The following KLF8 variants were observed in gnomAD, a reference collection of about 807,000 sequenced individuals.
KLF8 encodes Krueppel-like factor 8.
Under a neutral mutation model 18.2 loss-of-function variants are expected in KLF8, and 10 were observed. The observed-to-expected ratio is 0.55, with a 90% CI of 0.34 to 0.93. The LOEUF (loss-of-function observed/expected upper bound fraction) is 0.93, where lower values mean the gene tolerates loss of function less well. Ranked by LOEUF, KLF8 falls within the 40% of genes least tolerant of loss-of-function variation. The pLI is 0.02. For missense variants in KLF8, 264 were observed against 277.9 expected (o/e 0.95, Z 0.36); for synonymous variants, 109 against 97.3 (o/e 1.12, Z -0.71).
At chrX:56,060,163 T>C in the KLF8 span, among the ~76,000 whole-genome samples, 1 of 111,729 alleles carries the variant, frequency 9.0e-6, no homozygotes, top group African/African-American at 3.3e-5. Context: ...TTTTCCTATT[T>C]GAATACCTCT....
chrX:56,169,570 G>C, the KLF8 span, among the ~76,000 whole-genome samples: 2 of 111,725 alleles, frequency 1.8e-5, no homozygotes, highest in African/African-American at 6.5e-5. Flanking sequence ...GTGGACCTGT[G>C]ATGGTGGTAG....
intron 1 of KLF8, among the ~76,000 whole-genome samples, chrX:56,236,162 T>G (rs145795889): frequency 3.0e-3 from 338 of 111,973 alleles, no homozygotes; most frequent in African/African-American, 0.01. Context: ...AACCTCACAC[T>G]CACCATTTCT....
At chrX:56,217,032 A>T in the KLF8 span, among the ~76,000 whole-genome samples, 1 of 112,010 alleles carries the variant, frequency 8.9e-6, no homozygotes, top group Non-Finnish European at 1.9e-5. Context: ...AAATAGCTGG[A>T]TTTTAAGAGG....
At chrX:56,240,349 T>C (rs2066528079) in intron 1 of KLF8, among the ~76,000 whole-genome samples, 1 of 112,176 alleles carries the variant, frequency 8.9e-6, no homozygotes, top group Non-Finnish European at 1.9e-5. Context: ...AAGTACCTGT[T>C]GCACAAAACA....
At chrX:56,030,831 C>T in the KLF8 span, among the ~76,000 whole-genome samples, 8 of 108,740 alleles carry the variant, frequency 7.4e-5, no homozygotes, top group South Asian at 4.2e-4. Context: ...CTTCTGTCAG[C>T]GGGTGGAGTG....
the KLF8 span, among the ~76,000 whole-genome samples, chrX:56,079,000 A>T: frequency 1.8e-5 from 2 of 109,811 alleles, no homozygotes; most frequent in Non-Finnish European, 3.8e-5. Flanking sequence ...CCCCTTTATC[A>T]TTTTTTATCA....
chrX:56,017,637 T>C, the KLF8 span, among the ~76,000 whole-genome samples: 1 of 111,885 alleles, frequency 8.9e-6, no homozygotes, highest in Non-Finnish European at 1.9e-5. Context: ...GGGTGTGTGA[T>C]TTTTTGAGGG....
At chrX:56,107,692 C>T in the KLF8 span, among the ~76,000 whole-genome samples, 1 of 111,285 alleles carries the variant, frequency 9.0e-6, no homozygotes, top group Admixed American at 9.6e-5. Flanking sequence ...AGGTCGATGC[C>T]CTGCTCTGCT....
chrX:56,067,658 G>A, the KLF8 span, among the ~76,000 whole-genome samples: 1 of 112,039 alleles, frequency 8.9e-6, no homozygotes, highest in South Asian at 3.8e-4. Flanking sequence ...ATGAGAAAGA[G>A]TGAGTGAGAG....
At chrX:56,149,739 C>A in the KLF8 span, among the ~76,000 whole-genome samples, 8 of 111,149 alleles carry the variant, frequency 7.2e-5, no homozygotes, top group Non-Finnish European at 1.5e-4. Context: ...AAATATTTCA[C>A]AAAGGTCCAG....
At chrX:56,066,686 G>T in the KLF8 span, among the ~76,000 whole-genome samples, 1 of 111,462 alleles carries the variant, frequency 9.0e-6, no homozygotes, top group African/African-American at 3.3e-5. Flanking sequence ...ACCTGGATGT[G>T]GGTGGAGGAT....
At chrX:56,262,848 C>G (rs934544782) in intron 2 of KLF8, among the ~76,000 whole-genome samples, 1 of 110,746 alleles carries the variant, frequency 9.0e-6, no homozygotes, top group Non-Finnish European at 1.9e-5. Context: ...GTCTCGAACT[C>G]CTGACCTCAA....
At chrX:56,144,467 C>T in the KLF8 span, among the ~76,000 whole-genome samples, 7 of 109,590 alleles carry the variant, frequency 6.4e-5, no homozygotes, top group East Asian at 2.9e-4. Flanking sequence ...ACTTTTCTTT[C>T]GGCTGGGCGC....
chrX:56,121,185 CA>C, the KLF8 span, among the ~76,000 whole-genome samples: 204 of 40,832 alleles, frequency 5.0e-3, 2 homozygotes, highest in South Asian at 9.0e-3. Flanking sequence ...GACTCCGTCT[CA>C]AAAAAAAAAA....
the KLF8 span, among the ~76,000 whole-genome samples, chrX:56,162,354 C>T: frequency 8.9e-6 from 1 of 112,127 alleles, no homozygotes; most frequent in Non-Finnish European, 1.9e-5. Context: ...TTTGGCTATG[C>T]CCTGCCCCGG....
At chrX:56,238,063 A>AT (rs1276162677) in intron 1 of KLF8, among the ~76,000 whole-genome samples, 5 of 110,864 alleles carry the variant, frequency 4.5e-5, no homozygotes, top group South Asian at 3.8e-4. Context: ...CTACCTATTA[A>AT]TTTTTTTTTG....
the KLF8 span, among the ~76,000 whole-genome samples, chrX:55,930,122 G>A: frequency 2.7e-5 from 3 of 111,222 alleles, no homozygotes; most frequent in Admixed American, 9.5e-5. Context: ...GGATTCCTAC[G>A]TTTTTTATTA....
chrX:56,079,156 G>A, the KLF8 span, among the ~76,000 whole-genome samples: 1 of 111,012 alleles, frequency 9.0e-6, no homozygotes, highest in Admixed American at 9.6e-5. Flanking sequence ...GTTCTGCTCT[G>A]ATTTTAGTTA....
chrX:56,051,825 T>G, the KLF8 span, among the ~76,000 whole-genome samples: 4,562 of 104,065 alleles, frequency 0.044, 529 homozygotes, highest in African/African-American at 0.18. Context: ...TGCCTTGCTA[T>G]ATTGGGGAAG....
Sources: gnomAD v4.1 joint callset for allele counts (sites outside exome capture counted in the v4.1 genomes callset) on GRCh38, gnomAD v4.1.1 for gene constraint, MANE v1.5 for transcripts, NCBI Gene and HGNC (gene_info 2026-07-23, HGNC 2026-07-21) for gene names.